Variants in PRKCB observed in about 807,000 individuals in gnomAD.
PRKCB encodes the protein protein kinase C beta, also known as protein kinase C beta type.
PRKCB carries 13 observed loss-of-function variants against 81.5 expected under a neutral mutation model. The observed-to-expected ratio is 0.16, with a 90% CI of 0.10 to 0.25. PRKCB has a LOEUF of 0.25. Ranked by LOEUF, PRKCB falls within the 10% of genes least tolerant of loss-of-function variation. PRKCB has a pLI of 1.00. For synonymous variants in PRKCB, 335 were observed against 321.4 expected, an observed-to-expected ratio of 1.04 and a Z score of -0.45; for missense variants, 509 against 875.7, an observed-to-expected ratio of 0.58 and a Z score of 5.29.
chr16:23,912,779 C>T (rs893551888), intron 2 of PRKCB, among the ~76,000 whole-genome samples: 4 of 151,288 alleles, frequency 2.6e-5, no homozygotes, highest in African/African-American at 7.3e-5. Flanking sequence ...TCCCAAAGGG[C>T]TGGGATTACA....
At chr16:23,965,065 G>C (rs1335170437) in intron 2 of PRKCB, among the ~76,000 whole-genome samples, 5 of 152,136 alleles carry the variant, frequency 3.3e-5, no homozygotes. Context: ...TGGGTAAATT[G>C]CATGTCCCTG....
At chr16:24,170,510 G>A (rs896023287) in intron 10 of PRKCB, among the ~76,000 whole-genome samples, 10 of 152,002 alleles carry the variant, frequency 6.6e-5, no homozygotes, top group East Asian at 1.9e-4. Context: ...GGAACGTAGC[G>A]TAAAGGAGAG....
At chr16:23,969,163 C>T (rs1298373346) in intron 2 of PRKCB, among the ~76,000 whole-genome samples, 1 of 152,144 alleles carries the variant, frequency 6.6e-6, no homozygotes, top group Non-Finnish European at 1.5e-5. Flanking sequence ...GGGTGAGACC[C>T]TGTCTCAAAA....
chr16:24,000,374 T>G (rs1330491385), intron 3 of PRKCB, among the ~76,000 whole-genome samples: 1 of 152,226 alleles, frequency 6.6e-6, no homozygotes, highest in Non-Finnish European at 1.5e-5. Context: ...GTGGTTAATG[T>G]GGCAGTTTAT....
At chr16:23,895,788 A>G (rs1018748378) in intron 2 of PRKCB, among the ~76,000 whole-genome samples, 2 of 152,236 alleles carry the variant, frequency 1.3e-5, no homozygotes, top group African/African-American at 4.8e-5. Context: ...AGTGCTCATC[A>G]TAGTGCCAGG....
chr16:23,876,317 T>C lies in PRKCB; in HGVS notation c.205+38911T>C, dbSNP rs548516573. On this transcript the variant is annotated intron_variant, in intron 2 of 16. Transcript: ENST00000643927. ...AAGTAGTACCATGTGGCTGTGGAAG[T>C]TTAACTTGTCACTAATCCACCAAAC... is the stretch of plus-strand genomic sequence containing the variant. Among the ~76,000 whole-genome samples the C allele has an allele frequency of 2.0e-5, 3 of 152,254 alleles. No individual in the cohort carries two copies. In the East Asian group the frequency reaches 5.8e-4, roughly 29 times the overall value.
chr16:23,848,940 G>A (rs1962424249), intron 2 of PRKCB, among the ~76,000 whole-genome samples: 1 of 152,204 alleles, frequency 6.6e-6, no homozygotes, highest in Non-Finnish European at 1.5e-5. Flanking sequence ...GGGGAGGCAA[G>A]ATGAATGCTC....
chr16:24,204,418 GAACA>G (rs1968011687), intron 16 of PRKCB, among the ~76,000 whole-genome samples: 1 of 152,064 alleles, frequency 6.6e-6, no homozygotes, highest in Non-Finnish European at 1.5e-5. Context: ...ATATGACCCT[GAACA>G]AACTGTTAAC....
intron 5 of PRKCB, among the ~76,000 whole-genome samples, chr16:24,046,576 C>T (rs1965768337): frequency 6.6e-6 from 1 of 152,050 alleles, no homozygotes; most frequent in Non-Finnish European, 1.5e-5. Flanking sequence ...GCTGAAAATT[C>T]CAGGGAAGAG....
intron 5 of PRKCB, among the ~76,000 whole-genome samples, chr16:24,074,597 A>G (rs1966155295): frequency 6.6e-6 from 1 of 152,242 alleles, no homozygotes; most frequent in Admixed American, 6.5e-5. Flanking sequence ...CTAAAAAAGA[A>G]CAAAAAGAAC....
In PRKCB at chr16:24,047,662, A is replaced by G. The variant is rs553829005; in HGVS notation, c.529+12115A>G. 2.0e-4 allele frequency among the ~76,000 whole-genome samples: 30 copies of G among 152,328 alleles called. No homozygotes were observed. In the South Asian group the frequency reaches 5.6e-3, roughly 28 times the overall value. On this transcript the variant is annotated intron_variant, in intron 5 of 16. Transcript: ENST00000643927. ...TAACACATTAAGTCAGATGTTGGAA[A>G]GATACAGTTTAAGACTATGAGACAT...
At position 24,215,906 on chromosome 16, in the gene PRKCB, T is replaced by C. The variant is rs1968220102; in HGVS notation, c.*1090T>C. 1 of 985,218 alleles carries C rather than the reference T, an allele frequency of 1.0e-6. No homozygotes were observed. Among genetic ancestry groups the C allele is most frequent in the Non-Finnish European group, 1.2e-6 (1 of 829,902 alleles). The allele number at this position is 985,218 out of a possible 1,614,324, so 61.0% of individuals were successfully genotyped here. On this transcript the variant is annotated 3_prime_UTR_variant, in exon 17 of 17. Transcript: ENST00000643927. ...GTTGTATTCCTCACTTTGATGTTGT[T>C]TTGCAAGATGTTTGTGGAAATGTTC...
At chr16:23,891,939 G>A (rs1490871787) in intron 2 of PRKCB, among the ~76,000 whole-genome samples, 2 of 152,164 alleles carry the variant, frequency 1.3e-5, no homozygotes, top group Non-Finnish European at 2.9e-5. Flanking sequence ...CTACCTTCTT[G>A]TGCAGTTAGA....
chr16:24,027,932 G>T (rs1011537468), intron 3 of PRKCB, among the ~76,000 whole-genome samples: 6 of 151,942 alleles, frequency 3.9e-5, no homozygotes, highest in Non-Finnish European at 5.9e-5. Context: ...ACTATGTCTG[G>T]CTTTAATACA....
At chr16:23,950,918 G>T (rs1964271640) in intron 2 of PRKCB, among the ~76,000 whole-genome samples, 2 of 152,216 alleles carry the variant, frequency 1.3e-5, no homozygotes, top group Non-Finnish European at 2.9e-5. Flanking sequence ...AGGAAAGGAA[G>T]AGTGACCAGC....
intron 12 of PRKCB, 93 bp from the exon 13 acceptor site, chr16:24,180,697 C>T (rs753222131): frequency 2.2e-5 from 32 of 1,438,394 alleles, no homozygotes; most frequent in Non-Finnish European, 2.8e-5. Flanking sequence ...CACACAACAC[C>T]TAACACAGTG....
intron 7 of PRKCB, among the ~76,000 whole-genome samples, chr16:24,112,360 C>T (rs939775706): frequency 1.3e-5 from 2 of 152,244 alleles, no homozygotes; most frequent in East Asian, 3.9e-4. Flanking sequence ...CAACTCCCAT[C>T]TCTACAAAAA....
intron 2 of PRKCB, among the ~76,000 whole-genome samples, chr16:23,849,626 A>G (rs1316910887): frequency 6.6e-6 from 1 of 152,148 alleles, no homozygotes; most frequent in African/African-American, 2.4e-5. Context: ...CAGGATTGAC[A>G]TATAGAGTAG....
chr16:23,910,536 T>C (rs920911929), intron 2 of PRKCB, among the ~76,000 whole-genome samples: 6 of 152,232 alleles, frequency 3.9e-5, no homozygotes, highest in African/African-American at 1.4e-4. Flanking sequence ...TAGGCAATGA[T>C]GTCAAGCCAG....
Sources: gnomAD v4.1 joint callset for allele counts (sites outside exome capture counted in the v4.1 genomes callset) on GRCh38, gnomAD v4.1.1 for gene constraint, MANE v1.5 for transcripts, NCBI Gene and HGNC (gene_info 2026-07-23, HGNC 2026-07-21) for gene names.